Variants in SPATA21 observed in about 807,000 individuals in gnomAD.
SPATA21 encodes the protein spermatogenesis associated 21.
Under a neutral mutation model 54.8 loss-of-function variants are expected in SPATA21, and 47 were observed. The observed-to-expected ratio is 0.86, with a 90% CI of 0.68 to 1.09. The LOEUF (loss-of-function observed/expected upper bound fraction) is 1.09, where lower values mean the gene tolerates loss of function less well. Among genes scored for constraint, SPATA21 ranks in the 50% least tolerant of loss-of-function variants. The pLI is 0.00. For missense variants in SPATA21, 599 were observed against 596.4 expected (o/e 1.00, Z -0.05); for synonymous variants, 245 against 235.3 (o/e 1.04, Z -0.38).
chr1:16,409,588 CG>C lies in SPATA21; in HGVS notation c.587+12del. ...CTTTCAGGAGCGGGCGGGTGAGCAG[CG>C]GGGGCTCCTACCGCGCCTTGGCGTA... is the stretch of plus-strand genomic sequence containing the variant. On this transcript the variant is annotated intron_variant, in intron 6 of 12. Transcript: ENST00000335496. The surrounding 1 kb of genome is among the most constrained non-coding windows in gnomAD (Gnocchi z 4.1). 1.2e-6 allele frequency: 2 copies of C among 1,604,130 alleles called. No individual in the cohort carries two copies. Among genetic ancestry groups the C allele is most frequent in the Non-Finnish European group, 8.5e-7 (1 of 1,176,998 alleles).
At chr1:16,425,813 T>C (rs576549167) in intron 3 of SPATA21, 211 of 1,226,382 alleles carry the variant, frequency 1.7e-4, no homozygotes, top group Non-Finnish European at 2.2e-4. Context: ...AGGCATACCA[T>C]AGGTGCATAG....
intron 3 of SPATA21, among the ~76,000 whole-genome samples, chr1:16,426,354 G>A (rs905983337): frequency 1.3e-5 from 2 of 151,730 alleles, no homozygotes; most frequent in South Asian, 2.1e-4. Flanking sequence ...CACTTCCTGG[G>A]CTCAAGCAAT....
chr1:16,419,171 C>T (rs999412821), intron 5 of SPATA21, among the ~76,000 whole-genome samples: 3 of 151,960 alleles, frequency 2.0e-5, no homozygotes, highest in Non-Finnish European at 4.4e-5. Context: ...AAACTGATGT[C>T]GAAATTGAAA....
chr1:16,398,551 C>A, downstream of SPATA21: 1 of 580,004 alleles, frequency 1.7e-6, no homozygotes, highest in Non-Finnish European at 3.1e-6. Context: ...CCCAACCCCG[C>A]GCAGGGCTTT....
chr1:16,402,650 G>A (rs571237200), intron 10 of SPATA21, among the ~76,000 whole-genome samples: 9 of 152,082 alleles, frequency 5.9e-5, no homozygotes, highest in South Asian at 2.1e-4. Flanking sequence ...TCGAACTCCC[G>A]GGCTCAAGCA....
At chr1:16,415,579 A>C (rs2085979157) in intron 5 of SPATA21, among the ~76,000 whole-genome samples, 1 of 152,068 alleles carries the variant, frequency 6.6e-6, no homozygotes, top group Admixed American at 6.5e-5. Flanking sequence ...TCTTTTTTAG[A>C]GACGGAGTCT....
intron 1 of SPATA21, among the ~76,000 whole-genome samples, chr1:16,436,831 A>G (rs998737238): frequency 6.6e-6 from 1 of 152,026 alleles, no homozygotes; most frequent in Non-Finnish European, 1.5e-5. Flanking sequence ...CATGTAGCCA[A>G]ATACCACCTG....
In SPATA21 at chr1:16,409,875, C is replaced by T. The variant is rs1438428547; in HGVS notation, c.313G>A (p.Ala105Thr). 2.5e-6 allele frequency: 4 copies of T among 1,611,440 alleles called. No homozygotes were observed. The highest frequency in any genetic ancestry group is 2.2e-5 in the East Asian group (1 of 44,876). Residue 105 changes from alanine to threonine, a missense_variant, in exon 6 of 13, where the codon GCC becomes ACC. Transcript: ENST00000335496. The surrounding 1 kb of genome is among the most constrained non-coding windows in gnomAD (Gnocchi z 4.1). ...GACTTCTGGGCTGTCTGGGACCGGGCCTTCGAGGCTCTCCGATGGGAGGCC... is the reference window on the plus strand; with the variant it reads ...GACTTCTGGGCTGTCTGGGACCGGGTCTTCGAGGCTCTCCGATGGGAGGCC... Reference protein sequence around the residue: ...MEASHRRASKARSQTAQKSPR... With the variant: ...MEASHRRASKTRSQTAQKSPR...
intron 5 of SPATA21, among the ~76,000 whole-genome samples, chr1:16,412,467 T>C (rs2085878903): frequency 6.8e-6 from 1 of 146,344 alleles, no homozygotes; most frequent in South Asian, 2.1e-4. Flanking sequence ...TTACCATCTT[T>C]GTTTGTTTGT....
intron 5 of SPATA21, among the ~76,000 whole-genome samples, chr1:16,415,869 A>C (rs2085992367): frequency 6.6e-6 from 1 of 152,034 alleles, no homozygotes; most frequent in Admixed American, 6.5e-5. Context: ...AATGTCTCCT[A>C]TTATTTCAGG....
chr1:16,409,795 A>G lies in SPATA21; in HGVS notation c.393T>C (p.Pro131=). The G allele has an allele frequency of 6.2e-7, 1 of 1,600,036 alleles. No homozygotes were observed. The highest frequency in any genetic ancestry group is 8.5e-7 in the Non-Finnish European group (1 of 1,173,534). ...ATGGGCCGCTGGCAGGGACCGAGGC[A>G]GGGGTCTGAGGCAGGCTTGGAGCTG... ...PTSAPSLPQT[P]ASVPASGPSW... The change falls in exon 6 of 13, where the codon CCT becomes CCC. Residue 131 remains proline (P), a synonymous_variant. Transcript: ENST00000335496. The surrounding 1 kb of genome is among the most constrained non-coding windows in gnomAD (Gnocchi z 4.1).
intron 5 of SPATA21, among the ~76,000 whole-genome samples, chr1:16,417,772 G>A (rs1263865159): frequency 6.6e-6 from 1 of 152,050 alleles, no homozygotes; most frequent in African/African-American, 2.4e-5. Flanking sequence ...GTTTCACCAT[G>A]TTGACCTGGT....
chr1:16,418,904 C>T (rs2086092885), intron 5 of SPATA21, among the ~76,000 whole-genome samples: 3 of 152,160 alleles, frequency 2.0e-5, no homozygotes, highest in Admixed American at 2.0e-4. Flanking sequence ...TATTCCCATC[C>T]ATTCATTTAT....
At position 16,423,368 on chromosome 1, in the gene SPATA21, A is replaced by T. The variant is rs190836065; in HGVS notation, c.35-1397T>A. On this transcript the variant is annotated intron_variant, in intron 3 of 12. Transcript: ENST00000335496. The stretch of plus-strand genomic sequence containing the variant: ...GTGGAGGTTGCAGTGACCCAAGATC[A>T]CACCCCTGCACTCCAGCCTGGGCAA... Among the ~76,000 whole-genome samples the T allele has an allele frequency of 1.2e-3, 171 of 144,350 alleles. 4 individuals carry two copies. The East Asian group carries it at 0.032, about 27-fold the overall frequency. The allele number at this position is 144,350 out of a possible 152,430, so 94.7% of individuals were successfully genotyped here. A position where few individuals can be genotyped will look rare whatever the true frequency, so the allele number is the denominator to read the frequency against.
In SPATA21 at chr1:16,421,599, T is replaced by A; in HGVS notation, c.96-42A>T. On this transcript the variant is annotated intron_variant, in intron 4 of 12. Coordinates refer to ENST00000335496, the MANE Select transcript of SPATA21 (RefSeq NM_198546.1). The surrounding 1 kb of genome is among the most constrained non-coding windows in gnomAD (Gnocchi z 5.2). ...CCCCCAGGTGGGGGAAGCGCTCAGC[T>A]GAAGGTTTGCCCCCCTGCCCTCCCC... The A allele has an allele frequency of 6.3e-7, 1 of 1,593,038 alleles. No individual in the cohort carries two copies. The highest frequency in any genetic ancestry group is 8.6e-7 in the Non-Finnish European group (1 of 1,168,340).
Position 16,409,157 on chromosome 1 carries a change from C to T in SPATA21, c.634G>A (p.Glu212Lys). 1.2e-6 allele frequency: 2 copies of T among 1,614,106 alleles called. No homozygotes were observed. Among genetic ancestry groups the T allele is most frequent in the Non-Finnish European group, 1.7e-6 (2 of 1,179,974 alleles). Residue 212 changes from glutamate (E) to lysine (K), a missense_variant, in exon 7 of 13, where the codon GAG becomes AAG. Coordinates refer to ENST00000335496, the MANE Select transcript of SPATA21 (RefSeq NM_198546.1). This position sits in a 1 kb window ranked among gnomAD's most constrained non-coding sequence, Gnocchi z 4.1. Reference sequence around the variant, plus strand: ...AGGGTCAGTTGCTCCTCGGACTTCTCCCGGTTTTGATAAAGCTTTTGGAGG... The same window carrying T: ...AGGGTCAGTTGCTCCTCGGACTTCTTCCGGTTTTGATAAAGCTTTTGGAGG... ...QSLQKLYQNR[E>K]KSEEQLTLKQ...
chr1:16,432,096 T>TCTTCTTCTTCTTCTTCTTCTTCTTCTTC (rs1557675648), intron 2 of SPATA21, among the ~76,000 whole-genome samples: 14 of 148,190 alleles, frequency 9.4e-5, no homozygotes, highest in African/African-American at 3.5e-4. Flanking sequence ...TTCTTTTTCT[T>TCTTCTTCTTCTTCTTCTTCTTCTTCTTC]TTCTTCTTCT....
chr1:16,424,270 G>A (rs1038586257), intron 3 of SPATA21, among the ~76,000 whole-genome samples: 31 of 61,802 alleles, frequency 5.0e-4, no homozygotes, highest in East Asian at 8.7e-4. Flanking sequence ...CCGAGATTGC[G>A]CCACTGCACT....
intron 1 of SPATA21, among the ~76,000 whole-genome samples, chr1:16,433,539 C>T (rs1405253168): frequency 3.9e-5 from 6 of 152,242 alleles, no homozygotes; most frequent in Non-Finnish European, 7.3e-5. Context: ...AAATCTCCCC[C>T]TACGCCCCTC....
Sources: allele counts gnomAD v4.1 joint callset (sites outside exome capture counted in the v4.1 genomes callset), GRCh38; gene constraint gnomAD v4.1.1; non-coding constraint Gnocchi (gnomAD v3.1); transcripts MANE v1.5; gene names NCBI Gene and HGNC (gene_info 2026-07-23, HGNC 2026-07-21).